Variants in LARP1 observed in about 807,000 individuals in gnomAD.
LARP1 encodes la-related protein 1.
LARP1 carries 36 observed loss-of-function variants against 122.7 expected under a neutral mutation model. The observed-to-expected ratio is 0.29, with a 90% CI of 0.22 to 0.39. The LOEUF (loss-of-function observed/expected upper bound fraction) is 0.39, where lower values mean the gene tolerates loss of function less well. LARP1 is among the 10% of genes least tolerant of loss of function. LARP1 has a pLI of 1.00. For synonymous variants in LARP1, 539 were observed against 528.7 expected (o/e 1.02, Z -0.27); for missense variants, 1,040 against 1,403.6 (o/e 0.74, Z 4.14).
At chr5:154,769,591 A>G (rs1755237258) in intron 1 of LARP1, among the ~76,000 whole-genome samples, 1 of 152,206 alleles carries the variant, frequency 6.6e-6, no homozygotes, top group Non-Finnish European at 1.5e-5. Context: ...CTGGAGCAGC[A>G]ATAGAAAGCT....
In LARP1 at chr5:154,806,082, C is replaced by A. The variant is rs781543291; in HGVS notation, c.2698+50C>A. ...TGAGCCTCTGGGCCCGTTATTTAGA[C>A]CCAGAGTATAAGAGTTGGGGGATAC... On this transcript the variant is annotated intron_variant, in intron 15 of 18. Coordinates refer to ENST00000518297, the MANE Select transcript of LARP1 (RefSeq NM_033551.3). 5 of 1,593,580 alleles carry A rather than the reference C, an allele frequency of 3.1e-6. No homozygotes were observed. In the South Asian group the frequency reaches 5.6e-5, roughly 18 times the overall value.
chr5:154,761,166 G>C (rs1172384350), intron 1 of LARP1, among the ~76,000 whole-genome samples: 1 of 152,220 alleles, frequency 6.6e-6, no homozygotes, highest in African/African-American at 2.4e-5. Flanking sequence ...AGAGTGGGAG[G>C]CAGCTTTCAT....
intron 1 of LARP1, among the ~76,000 whole-genome samples, chr5:154,715,136 C>T (rs141832088): frequency 9.9e-4 from 149 of 150,830 alleles, no homozygotes; most frequent in Non-Finnish European, 1.7e-3. Context: ...GCCGAGATCA[C>T]GACACTGCAC....
At chr5:154,690,858 T>C (rs997925822) in intron 1 of LARP1, among the ~76,000 whole-genome samples, 2 of 152,042 alleles carry the variant, frequency 1.3e-5, no homozygotes, top group Non-Finnish European at 2.9e-5. Flanking sequence ...AGAGGTAAAA[T>C]AGATATAAAA....
Position 154,803,666 on chromosome 5 carries a change from G to A in LARP1, c.2360G>A (p.Arg787Gln), listed in dbSNP as rs557052817. 23 of 1,614,064 alleles carry A rather than the reference G, an allele frequency of 1.4e-5. No homozygotes were observed. The highest frequency in any genetic ancestry group is 1.3e-4 in the South Asian group (12 of 91,070). ...YRNTRTPRTP[R>Q]TPQLKDSSQT... ...AACACCAGGACCCCTCGCACTCCCC[G>A]GACACCACAGCTCAAAGACTCAAGC... is the stretch of plus-strand genomic sequence containing the variant. The change falls in exon 13 of 19, where the codon CGG (arginine) becomes CAG (glutamine). Residue 787 changes from arginine (R) to glutamine (Q), a missense_variant. This residue lies in a region of LARP1 where 362 missense variants were observed against 533.1 expected (regional missense o/e 0.68). Coordinates refer to ENST00000518297, the MANE Select transcript of LARP1 (RefSeq NM_033551.3). This position sits in a 1 kb window ranked among gnomAD's most constrained non-coding sequence, Gnocchi z 4.4.
At chr5:154,807,291 T>G (rs1247594050) in intron 15 of LARP1, among the ~76,000 whole-genome samples, 1 of 152,222 alleles carries the variant, frequency 6.6e-6, no homozygotes, top group Admixed American at 6.5e-5. Flanking sequence ...ATGATGCTAC[T>G]GGGCATATTC....
intron 1 of LARP1, among the ~76,000 whole-genome samples, chr5:154,779,548 G>A (rs915206168): frequency 1.6e-5 from 2 of 121,986 alleles, no homozygotes; most frequent in African/African-American, 6.4e-5. Context: ...TGCTGTTGTT[G>A]CCCAGACTGG....
At chr5:154,707,815 T>G (rs1299172421) in intron 1 of LARP1, among the ~76,000 whole-genome samples, 1 of 152,138 alleles carries the variant, frequency 6.6e-6, no homozygotes, top group East Asian at 1.9e-4. Flanking sequence ...CGTAATCTTG[T>G]TTTGGTTGCT....
At chr5:154,795,969 TATTATATA>T (rs1187968171) in intron 8 of LARP1, among the ~76,000 whole-genome samples, 1 of 119,890 alleles carries the variant, frequency 8.3e-6, no homozygotes, top group Non-Finnish European at 1.6e-5. Context: ...TTTTTATACA[TATTATATA>T]TTTATATATT....
chr5:154,751,217 C>T (rs1262415461), upstream of LARP1, among the ~76,000 whole-genome samples: 1 of 152,080 alleles, frequency 6.6e-6, no homozygotes, highest in African/African-American at 2.4e-5. Flanking sequence ...AAGAATAAGG[C>T]CTGGCGATAT....
chr5:154,781,832 T>C (rs1756475788), intron 1 of LARP1, among the ~76,000 whole-genome samples: 1 of 152,206 alleles, frequency 6.6e-6, no homozygotes, highest in African/African-American at 2.4e-5. Flanking sequence ...ATTCTTCCAT[T>C]GTGGCTCAGG....
chr5:154,793,685 A>G lies in LARP1; in HGVS notation c.830A>G (p.Glu277Gly). 1 of 1,614,138 alleles carries G rather than the reference A, an allele frequency of 6.2e-7. No individual in the cohort carries two copies. Among genetic ancestry groups the G allele is most frequent in the South Asian group, 1.1e-5 (1 of 91,086 alleles). ...KLASRPTRPP[E>G]PRHIPANRGE... ...GCTTCACGCCCCACTCGCCCACCGG[A>G]GCCTAGACACATACCTGCCAATCGC... Residue 277 changes from glutamate (E) to glycine (G), a missense_variant, in exon 5 of 19, where the codon GAG becomes GGG. Transcript: ENST00000518297.
At chr5:154,730,026 T>C (rs1756459591) in intron 1 of LARP1, among the ~76,000 whole-genome samples, 1 of 152,182 alleles carries the variant, frequency 6.6e-6, no homozygotes. Context: ...CAGATCAGAA[T>C]TATGAGCAAA....
Position 154,793,786 on chromosome 5 carries a change from C to T in LARP1, c.869-14C>T, listed in dbSNP as rs200086843. On this transcript the variant is annotated splice_polypyrimidine_tract_variant and intron_variant, in intron 5 of 18. Transcript: ENST00000518297. Reference sequence around the variant, plus strand: ...GACACCCTCAGGCCTGACCTGGTACCCCTCTCCCCATAGGGTCTGAGTCTG... The same window carrying T: ...GACACCCTCAGGCCTGACCTGGTACTCCTCTCCCCATAGGGTCTGAGTCTG... The T allele has an allele frequency of 9.0e-5, 146 of 1,614,024 alleles. No individual in the cohort carries two copies. Among genetic ancestry groups the T allele is most frequent in the Non-Finnish European group, 1.1e-4 (133 of 1,180,014 alleles).
intron 1 of LARP1, among the ~76,000 whole-genome samples, chr5:154,749,262 G>C (rs1753358202): frequency 1.3e-5 from 2 of 152,200 alleles, no homozygotes; most frequent in South Asian, 4.1e-4. Context: ...CTCCAGGGAG[G>C]GTAGTGGGGA....
At chr5:154,692,145 A>G (rs532229840) in intron 1 of LARP1, among the ~76,000 whole-genome samples, 2 of 152,302 alleles carry the variant, frequency 1.3e-5, no homozygotes, top group South Asian at 4.1e-4. Context: ...CCCTGGAATA[A>G]CACTGAAACC....
In LARP1 at chr5:154,792,650, G is replaced by A; in HGVS notation, c.593G>A (p.Arg198His). 1.9e-6 allele frequency: 3 copies of A among 1,614,008 alleles called. No individual in the cohort carries two copies. Among genetic ancestry groups the A allele is most frequent in the South Asian group, 2.2e-5 (2 of 91,060 alleles). The stretch of plus-strand genomic sequence containing the variant: ...CAGTCCCACAAGCCTCAGCCTACCC[G>A]TAAACTGCCACCCAAGAAGGACATG... ...QPQSHKPQPTRKLPPKKDMKE... is the reference protein window; with the variant it reads ...QPQSHKPQPTHKLPPKKDMKE... Residue 198 changes from arginine (R) to histidine (H), a missense_variant, in exon 4 of 19, where the codon CGT (arginine) becomes CAT (histidine). Coordinates refer to ENST00000518297, the MANE Select transcript of LARP1 (RefSeq NM_033551.3).
chr5:154,740,068 AC>A (rs1757139868), intron 1 of LARP1, among the ~76,000 whole-genome samples: 2 of 146,920 alleles, frequency 1.4e-5, no homozygotes, highest in Admixed American at 1.4e-4. Flanking sequence ...CCAAGAAAAA[AC>A]ACACCACACA....
In LARP1 at chr5:154,806,979, C is replaced by T. The variant is rs1372787029; in HGVS notation, c.2698+947C>T. 2.6e-5 allele frequency among the ~76,000 whole-genome samples: 4 copies of T among 152,140 alleles called. No homozygotes were observed. In the South Asian group the frequency reaches 8.3e-4, roughly 31 times the overall value. ...TACTCATTATACATGCAAACTACTC[C>T]CCACCCCCAGAATCCTCCCAGCCCT... On this transcript the variant is annotated intron_variant, in intron 15 of 18. Transcript: ENST00000518297.
Sources: allele counts gnomAD v4.1 joint callset (sites outside exome capture counted in the v4.1 genomes callset), GRCh38; gene constraint gnomAD v4.1.1; regional missense constraint gnomAD v4.1.1; non-coding constraint Gnocchi (gnomAD v3.1); transcripts MANE v1.5; gene names NCBI Gene and HGNC (gene_info 2026-07-23, HGNC 2026-07-21).